AHNAK: variants seen among roughly 807,000 people sequenced by gnomAD.
AHNAK encodes the protein neuroblast differentiation-associated protein AHNAK.
A neutral mutation model predicts 37.8 loss-of-function variants in AHNAK; 23 were observed. The observed-to-expected ratio is 0.61, with a 90% CI of 0.44 to 0.86. AHNAK has a LOEUF of 0.86. AHNAK is among the 40% of genes least tolerant of loss of function. The probability of loss-of-function intolerance (pLI) is 0.00; values close to 1 mark genes in which losing one functional copy is unlikely to be tolerated. For synonymous variants in AHNAK, 2,481 were observed against 2,636.3 expected (o/e 0.94, Z 1.80); for missense variants, 7,411 against 7,319.4 (o/e 1.01, Z -0.46).
At position 62,524,643 on chromosome 11, in the gene AHNAK, T is replaced by C; in HGVS notation, c.9774A>G (p.Pro3258=). 1 of 1,614,242 alleles carries C rather than the reference T, an allele frequency of 6.2e-7. No individual in the cohort carries two copies. The highest frequency in any genetic ancestry group is 8.5e-7 in the Non-Finnish European group (1 of 1,180,040). ...LKGPALDIKG[P]KIDVDAPDID... is the part of the protein sequence containing the mutation. ...TATCTGGAGCATCTACATCTATCTT[T>C]GGGCCTTTTATGTCAAGAGCAGGTC... Residue 3258 remains proline, a synonymous_variant, in exon 5 of 5, where the codon CCA becomes CCG. Coordinates refer to ENST00000378024, the MANE Select transcript of AHNAK (RefSeq NM_001620.3).
intron 5 of AHNAK, among the ~76,000 whole-genome samples, chr11:62,451,359 C>G (rs1293522464): frequency 1.3e-5 from 2 of 150,946 alleles, no homozygotes; most frequent in African/African-American, 4.8e-5. Context: ...CCCTTCCCAG[C>G]TGACAGCCTG....
Position 62,521,172 on chromosome 11 carries a change from CT to C in AHNAK, c.13244del (p.Lys4415ArgfsTer7). On this transcript the variant is annotated frameshift_variant, in exon 5 of 5. Coordinates refer to ENST00000378024, the MANE Select transcript of AHNAK (RefSeq NM_001620.3). LOFTEE classifies it low-confidence loss of function (END_TRUNC). ...GGCCTTTTATGTCAATTTCAGGGCCCTTGAGATCACCTTCCACTTTGGGCAG... is the reference window on the plus strand; with the variant it reads ...GGCCTTTTATGTCAATTTCAGGGCCCTGAGATCACCTTCCACTTTGGGCAG... ...VSLPKVEGDL[K>X]GPEIDIKGPS... The C allele has an allele frequency of 6.2e-7, 1 of 1,614,024 alleles. No homozygotes were observed. Among genetic ancestry groups the C allele is most frequent in the Non-Finnish European group, 8.5e-7 (1 of 1,180,002 alleles).
chr11:62,454,217 T>A (rs1314758344), intron 5 of AHNAK, among the ~76,000 whole-genome samples: 8 of 150,280 alleles, frequency 5.3e-5, no homozygotes, highest in African/African-American at 1.5e-4. Context: ...ATCTAGACCA[T>A]CCTGGCTAAC....
rs1940875634 is a variant in AHNAK, at chr11:62,534,347, T to C, written c.343-273A>G. On this transcript the variant is annotated intron_variant, in intron 4 of 4. Coordinates refer to ENST00000378024, the MANE Select transcript of AHNAK (RefSeq NM_001620.3). ...GAGGTATACTCTTGGACTGGGAGGATTTCCATTCAGTTAGAGATTCAAATC... is the reference window on the plus strand; with the variant it reads ...GAGGTATACTCTTGGACTGGGAGGACTTCCATTCAGTTAGAGATTCAAATC... 2.0e-5 allele frequency among the ~76,000 whole-genome samples: 3 copies of C among 151,984 alleles called. No individual in the cohort carries two copies. The South Asian group carries it at 6.2e-4, about 32-fold the overall frequency.
At chr11:62,509,933 A>G (rs1371604071) in intron 4 of AHNAK, among the ~76,000 whole-genome samples, 2 of 152,196 alleles carry the variant, frequency 1.3e-5, no homozygotes, top group Non-Finnish European at 2.9e-5. Flanking sequence ...AAACAAAAAA[A>G]GACATTACTG....
Position 62,518,771 on chromosome 11 carries a change from C to G in AHNAK, c.15646G>C (p.Gly5216Arg). 3 of 1,614,194 alleles carry G rather than the reference C, an allele frequency of 1.9e-6. No homozygotes were observed. In the South Asian group the frequency reaches 3.3e-5, roughly 18 times the overall value. Residue 5216 changes from glycine to arginine, a missense_variant, in exon 5 of 5, where the codon GGA becomes CGA. Transcript: ENST00000378024. ...PKIKGDVPSV[G>R]LEGPDVDLQG... ...AGATCTACATCTGGTCCTTCCAGTC[C>G]CACGCTGGGGACATCACCCTTTATC...
In AHNAK at chr11:62,517,808, C is replaced by G; in HGVS notation, c.16609G>C (p.Ala5537Pro). 6.2e-7 allele frequency: 1 copy of G among 1,614,198 alleles called. No individual in the cohort carries two copies. Among genetic ancestry groups the G allele is most frequent in the Admixed American group, 1.7e-5 (1 of 60,034 alleles). ...LKGSEVGFHG[A>P]APDISVKGPA... ...CCCTTCACACTGATATCAGGAGCAG[C>G]CCCATGGAAACCTACTTCTGAACCT... Residue 5537 changes from alanine to proline, a missense_variant, in exon 5 of 5, where the codon GCT becomes CCT. Transcript: ENST00000378024.
chr11:62,535,647 TAA>T (rs1260048475), intron 3 of AHNAK, among the ~76,000 whole-genome samples: 62 of 126,680 alleles, frequency 4.9e-4, no homozygotes, highest in Middle Eastern at 3.8e-3. Context: ...AAACTCCATC[TAA>T]AAAAAAAAAA....
At chr11:62,452,315 A>T (rs1403417521) in intron 5 of AHNAK, among the ~76,000 whole-genome samples, 2 of 152,200 alleles carry the variant, frequency 1.3e-5, no homozygotes, top group Non-Finnish European at 2.9e-5. Flanking sequence ...AGGCTAAGGA[A>T]GTGCACCCAG....
intron 5 of AHNAK, among the ~76,000 whole-genome samples, chr11:62,472,427 T>C (rs1347654918): frequency 6.6e-6 from 1 of 152,066 alleles, no homozygotes; most frequent in African/African-American, 2.4e-5. Context: ...TCTGAGTTCT[T>C]AGGCTTTTGT....
chr11:62,528,535 G>C lies in AHNAK; in HGVS notation c.5882C>G (p.Pro1961Arg), dbSNP rs532054620. Residue 1961 changes from proline to arginine, a missense_variant, in exon 5 of 5, where the codon CCT becomes CGT. Physicochemically the swap from Pro to Arg is moderately radical, Grantham distance 103. Coordinates refer to ENST00000378024, the MANE Select transcript of AHNAK (RefSeq NM_001620.3). ...LTGPSVGVEV[P>R]DVELECPDAK... ...ATCAGGACACTCCAGCTCAACATCA[G>C]GCACCTCCACACCCACACTGGGACC... 6.2e-7 allele frequency: 1 copy of C among 1,611,662 alleles called. No homozygotes were observed. Among genetic ancestry groups the C allele is most frequent in the African/African-American group, 1.3e-5 (1 of 74,298 alleles).
chr11:62,495,446 T>C (rs1010832616), intron 4 of AHNAK, among the ~76,000 whole-genome samples: 4 of 151,890 alleles, frequency 2.6e-5, no homozygotes, highest in Non-Finnish European at 5.9e-5. Context: ...GAAATAACAG[T>C]AATAGGCCGG....
rs767714200 is a variant in AHNAK at position 62,525,256 on chromosome 11, G to A, written c.9161C>T (p.Ser3054Leu). The change falls in exon 5 of 5, where the codon TCA becomes TTA. Residue 3054 changes from serine to leucine, a missense_variant. Transcript: ENST00000378024. ...AACATCAATGTCCACCTTGGGTCCTGAGACATCAAGGTCAGCCTTGGGCAG... is the reference window on the plus strand; with the variant it reads ...AACATCAATGTCCACCTTGGGTCCTAAGACATCAAGGTCAGCCTTGGGCAG... ...VNLPKADLDVSGPKVDIDVPD... is the reference protein window; with the variant it reads ...VNLPKADLDVLGPKVDIDVPD... 1.9e-5 allele frequency: 30 copies of A among 1,612,306 alleles called. No homozygotes were observed. Among genetic ancestry groups the A allele is most frequent in the East Asian group, 2.2e-5 (1 of 44,754 alleles).
intron 5 of AHNAK, among the ~76,000 whole-genome samples, chr11:62,484,330 G>A (rs1224354327): frequency 6.6e-6 from 1 of 152,126 alleles, no homozygotes; most frequent in Non-Finnish European, 1.5e-5. Context: ...AGGCTGCAGT[G>A]AGCTATGATC....
At chr11:62,544,320 C>G (rs564462672) in intron 1 of AHNAK, among the ~76,000 whole-genome samples, 8 of 152,164 alleles carry the variant, frequency 5.3e-5, no homozygotes, top group African/African-American at 1.9e-4. Context: ...TCCTCAGCTC[C>G]GAGGGGTTGG....
rs1940365075 is a variant in AHNAK at position 62,523,787 on chromosome 11, A to C, written c.10630T>G (p.Ser3544Ala). 1 of 1,613,982 alleles carries C rather than the reference A, an allele frequency of 6.2e-7. No homozygotes were observed. Among genetic ancestry groups the C allele is most frequent in the Admixed American group, 1.7e-5 (1 of 59,994 alleles). Residue 3544 changes from serine to alanine, a missense_variant, in exon 5 of 5, where the codon TCC (serine) becomes GCC (alanine). Ser to Ala is a moderately conservative substitution (Grantham distance 99). Transcript: ENST00000378024. ...PDMNIKAPKI[S>A]MPDIDLNLKG... ...AAGTTTAAGTCAATGTCAGGCATGG[A>C]GATCTTGGGAGCTTTGATATTCATG...
chr11:62,444,021 C>T (rs1044906416), intron 5 of AHNAK, among the ~76,000 whole-genome samples: 2 of 152,248 alleles, frequency 1.3e-5, no homozygotes, highest in Admixed American at 6.5e-5. Flanking sequence ...AGGCCAACAC[C>T]GTCCCCCTCC....
rs1192715696 is a variant in AHNAK at position 62,521,078 on chromosome 11, A to G, written c.13339T>C (p.Phe4447Leu). The G allele has an allele frequency of 6.2e-7, 1 of 1,614,028 alleles. No homozygotes were observed. Among genetic ancestry groups the G allele is most frequent in the Admixed American group, 1.7e-5 (1 of 60,006 alleles). Residue 4447 changes from phenylalanine (F) to leucine (L), a missense_variant, in exon 5 of 5, where the codon TTT (phenylalanine) becomes CTT (leucine). Phe to Leu is a conservative substitution (Grantham distance 22). Transcript: ENST00000378024. The stretch of plus-strand genomic sequence containing the variant: ...TTGATGTTCATCTCAGGCATCTTAA[A>G]TTTGGGCCCCTTCAATTTTCCTTCC... ...GPEGKLKGPK[F>L]KMPEMNIKAP...
At position 62,531,765 on chromosome 11, in the gene AHNAK, C is replaced by G. The variant is rs1199803515; in HGVS notation, c.2652G>C (p.Lys884Asn). 2 of 1,609,702 alleles carry G rather than the reference C, an allele frequency of 1.2e-6. No homozygotes were observed. Among genetic ancestry groups the G allele is most frequent in the African/African-American group, 2.7e-5 (2 of 73,632 alleles). Residue 884 changes from lysine to asparagine, a missense_variant, in exon 5 of 5, where the codon AAG becomes AAC. Transcript: ENST00000378024. ...HLKMPKMKMP[K>N]FSMPGFKAEG... ...CTGCTTTGAAGCCAGGCATGCTGAA[C>G]TTGGGCATTTTCATCTTGGGCATCT...
Sources: allele counts gnomAD v4.1 joint callset (sites outside exome capture counted in the v4.1 genomes callset), GRCh38; gene constraint gnomAD v4.1.1; transcripts MANE v1.5; gene names NCBI Gene and HGNC (gene_info 2026-07-23, HGNC 2026-07-21).